CDH19: variants seen among roughly 807,000 people sequenced by gnomAD.
CDH19 encodes the protein cadherin 19.
In CDH19, 67 loss-of-function variants were observed where a neutral mutation model predicts 64.2. The ratio of observed to expected loss-of-function variants is 1.04; its 90% CI spans 0.86 to 1.28. The LOEUF is 1.28. Among genes scored for constraint, CDH19 ranks in the 50% most tolerant of loss-of-function variants. The pLI is 0.00. For synonymous variants in CDH19, 346 were observed against 319.3 expected (o/e 1.08, Z -0.89); for missense variants, 1,030 against 929.0 (o/e 1.11, Z -1.41).
At chr18:66,551,063 G>T in intron 5 of CDH19, 31 bp downstream of exon 5, 2 of 1,230,832 alleles carry the variant, frequency 1.6e-6, no homozygotes, top group Non-Finnish European at 2.4e-6. Context: ...TATTTATAAT[G>T]TAATGAAGAT....
intron 1 of CDH19, among the ~76,000 whole-genome samples, chr18:66,576,453 T>C (rs1439854850): frequency 6.6e-6 from 1 of 151,524 alleles, no homozygotes; most frequent in Non-Finnish European, 1.5e-5. Context: ...CATTTCATAA[T>C]TATAAATTTC....
chr18:66,550,735 T>C (rs1987308214), intron 5 of CDH19, among the ~76,000 whole-genome samples: 1 of 152,028 alleles, frequency 6.6e-6, no homozygotes, highest in South Asian at 2.1e-4. Context: ...ACAGAGACCT[T>C]AACTCTATAT....
chr18:66,563,547 C>T lies in CDH19; in HGVS notation c.490+4869G>A, dbSNP rs544458794. Among the ~76,000 whole-genome samples the T allele has an allele frequency of 9.2e-5, 14 of 151,872 alleles. 1 individual carries two copies. Among genetic ancestry groups the T allele is most frequent in the South Asian group, 2.1e-4 (1 of 4,820 alleles). On this transcript the variant is annotated intron_variant, in intron 3 of 11. Coordinates refer to ENST00000262150, the MANE Select transcript of CDH19 (RefSeq NM_021153.4). ...ATATGTAATTTCTGCAACAATAAAA[C>T]AGGATTAAGATGAATGAGGTGATCA...
In CDH19 at chr18:66,595,700, G is replaced by A. The variant is rs190788267; in HGVS notation, c.-113+8254C>T. On this transcript the variant is annotated intron_variant, in intron 1 of 11. Transcript: ENST00000262150. Reference sequence around the variant, plus strand: ...AACCTACCCAAAAGGAAAAGCCTTGGACTAGACGAATTCACAGCCAAATTA... The same window carrying A: ...AACCTACCCAAAAGGAAAAGCCTTGAACTAGACGAATTCACAGCCAAATTA... Among the ~76,000 whole-genome samples the A allele has an allele frequency of 7.2e-5, 11 of 152,108 alleles. No individual in the cohort carries two copies. In the East Asian group the frequency reaches 2.1e-3, roughly 29 times the overall value.
chr18:66,587,379 C>T (rs538394460), intron 1 of CDH19, among the ~76,000 whole-genome samples: 4 of 152,210 alleles, frequency 2.6e-5, no homozygotes, highest in African/African-American at 9.6e-5. Context: ...CCTTCCACTC[C>T]ATCACTCTAA....
intron 1 of CDH19, among the ~76,000 whole-genome samples, chr18:66,591,933 A>T (rs552504844): frequency 6.6e-6 from 1 of 151,958 alleles, no homozygotes; most frequent in East Asian, 1.9e-4. Context: ...GACCTACAGA[A>T]CTACTTTCCA....
At chr18:66,564,075 A>T (rs138490836) in intron 3 of CDH19, among the ~76,000 whole-genome samples, 2 of 151,986 alleles carry the variant, frequency 1.3e-5, no homozygotes, top group African/African-American at 4.8e-5. Flanking sequence ...TTGAAAATTC[A>T]TGATTTTTTA....
At chr18:66,506,592 C>T (rs988447246) in intron 11 of CDH19, among the ~76,000 whole-genome samples, 2 of 151,814 alleles carry the variant, frequency 1.3e-5, no homozygotes, top group African/African-American at 2.4e-5. Flanking sequence ...TTATTTATTA[C>T]ATAAGATAAT....
At chr18:66,539,791 A>C (rs1012679465) in intron 7 of CDH19, among the ~76,000 whole-genome samples, 1 of 151,764 alleles carries the variant, frequency 6.6e-6, no homozygotes, top group African/African-American at 2.4e-5. Context: ...TTTTTTTATG[A>C]AGCTATTTAA....
chr18:66,533,255 G>A (rs1986528010), intron 8 of CDH19, among the ~76,000 whole-genome samples: 1 of 150,792 alleles, frequency 6.6e-6, no homozygotes, highest in African/African-American at 2.4e-5. Context: ...TGGCCTTTAA[G>A]AAATACAGCA....
intron 1 of CDH19, among the ~76,000 whole-genome samples, chr18:66,594,456 A>G (rs1317571540): frequency 6.6e-6 from 1 of 152,150 alleles, no homozygotes; most frequent in African/African-American, 2.4e-5. Flanking sequence ...CAACGGTAGA[A>G]TATACATTCT....
At chr18:66,521,519 TTTATTTTGTTTG>T (rs987574943) in intron 9 of CDH19, among the ~76,000 whole-genome samples, 1 of 76,642 alleles carries the variant, frequency 1.3e-5, no homozygotes, top group African/African-American at 4.7e-5. Flanking sequence ...TATTTATTTA[TTTATTTTGTTTG>T]TTTGTTTGTT....
chr18:66,571,080 ATGTG>A (rs148455493), intron 2 of CDH19, among the ~76,000 whole-genome samples: 2 of 150,588 alleles, frequency 1.3e-5, no homozygotes, highest in African/African-American at 4.9e-5. Flanking sequence ...ATTTCTTGTA[ATGTG>A]TGTGTGTGTG....
In CDH19 at chr18:66,579,558, A is replaced by T. The variant is rs143182924; in HGVS notation, c.-112-7242T>A. Among the ~76,000 whole-genome samples the T allele has an allele frequency of 8.2e-3, 1,247 of 152,106 alleles. 13 individuals carry two copies. The highest frequency in any genetic ancestry group is 0.028 in the African/African-American group (1,166 of 41,536). ...AAGGTCTGAATATACAATAAATTTT[A>T]AAAAAGCATTGATCTACCACAAAAT... On this transcript the variant is annotated intron_variant, in intron 1 of 11. Coordinates refer to ENST00000262150, the MANE Select transcript of CDH19 (RefSeq NM_021153.4).
At chr18:66,521,141 A>G (rs998422189) in intron 9 of CDH19, among the ~76,000 whole-genome samples, 23 of 152,258 alleles carry the variant, frequency 1.5e-4, no homozygotes, top group Non-Finnish European at 2.6e-4. Context: ...AAAAATGTTC[A>G]CTTCCTATTA....
chr18:66,596,898 C>T (rs560918561), intron 1 of CDH19, among the ~76,000 whole-genome samples: 203 of 149,668 alleles, frequency 1.4e-3, no homozygotes, highest in Non-Finnish European at 2.5e-3. Flanking sequence ...CCGGCTAAAA[C>T]GGTGAAACCC....
At chr18:66,597,658 C>T (rs1048417853) in intron 1 of CDH19, among the ~76,000 whole-genome samples, 3 of 152,086 alleles carry the variant, frequency 2.0e-5, no homozygotes, top group African/African-American at 4.8e-5. Context: ...ACGGAGCAAA[C>T]AGACAACACA....
chr18:66,603,407 C>G (rs1001443947), intron 1 of CDH19, among the ~76,000 whole-genome samples: 1 of 151,168 alleles, frequency 6.6e-6, no homozygotes, highest in African/African-American at 2.4e-5. Context: ...TATGCCTGTA[C>G]AATTTTAGGC....
At chr18:66,551,027 T>A (rs1987318578) in intron 5 of CDH19, 67 bp downstream of exon 5, 1 of 835,806 alleles carries the variant, frequency 1.2e-6, no homozygotes, top group African/African-American at 1.7e-5. Context: ...GAAAACTATA[T>A]AATCTACTTA....
Sources: allele counts gnomAD v4.1 joint callset (sites outside exome capture counted in the v4.1 genomes callset), GRCh38; gene constraint gnomAD v4.1.1; transcripts MANE v1.5; gene names NCBI Gene and HGNC (gene_info 2026-07-23, HGNC 2026-07-21).